Variants in UNC5B observed in about 807,000 individuals in gnomAD.
UNC5B encodes the protein unc-5 netrin receptor B, also known as netrin receptor UNC5B.
Under a neutral mutation model 103.7 loss-of-function variants are expected in UNC5B, and 56 were observed. That is an observed-to-expected ratio of 0.54 (90% CI 0.44 to 0.67). The LOEUF is 0.67. UNC5B is among the 30% of genes least tolerant of loss of function. UNC5B has a pLI of 0.00. For missense variants in UNC5B, 1,194 were observed against 1,284.5 expected (o/e 0.93, Z 1.08); for synonymous variants, 577 against 542.0 (o/e 1.06, Z -0.90).
At position 71,285,310 on chromosome 10, in the gene UNC5B, C is replaced by T; in HGVS notation, c.449-16C>T. ...GCCCGCACCTGACTGCCTTGGGACC[C>T]TCTCGCTTCTCCCAGACCTGCGCAA... is the stretch of plus-strand genomic sequence containing the variant. On this transcript the variant is annotated splice_polypyrimidine_tract_variant and intron_variant, in intron 3 of 16. Coordinates refer to ENST00000335350, the MANE Select transcript of UNC5B (RefSeq NM_170744.5). The T allele has an allele frequency of 6.3e-7, 1 of 1,599,846 alleles. No individual in the cohort carries two copies. The highest frequency in any genetic ancestry group is 8.5e-7 in the Non-Finnish European group (1 of 1,173,668).
At position 71,302,501 on chromosome 10, in the gene UNC5B, C is replaced by T. The variant is rs1845603692; in HGVS notation, c.*3224C>T. On this transcript the variant is annotated 3_prime_UTR_variant, in exon 17 of 17. Transcript: ENST00000335350. ...CTCCCTCTGCCTTCTCTCACAGTGC[C>T]CCCGGCTCCAGAGCTCAGGGGTAGG... The T allele has an allele frequency of 6.6e-6, 1 of 152,414 alleles. No homozygotes were observed. The allele number at this position is 152,414 out of a possible 1,614,324, so 9.4% of individuals were successfully genotyped here. A position where few individuals can be genotyped will look rare whatever the true frequency, so the allele number is the denominator to read the frequency against.
At position 71,302,810 on chromosome 10, in the gene UNC5B, T is replaced by C. The variant is rs1227577045; in HGVS notation, c.*3533T>C. On this transcript the variant is annotated 3_prime_UTR_variant, in exon 17 of 17. Coordinates refer to ENST00000335350, the MANE Select transcript of UNC5B (RefSeq NM_170744.5). ...ACCTATAAATAACCTTTAGCATTCC[T>C]ATTGTAACAAAATTAATTTTTATGA... The C allele has an allele frequency of 6.6e-6, 1 of 152,222 alleles. No homozygotes were observed. Among genetic ancestry groups the C allele is most frequent in the African/African-American group, 2.4e-5 (1 of 41,460 alleles). The allele number at this position is 152,222 out of a possible 1,614,324, so 9.4% of individuals were successfully genotyped here. A position where few individuals can be genotyped will look rare whatever the true frequency, so the allele number is the denominator to read the frequency against.
chr10:71,213,157 C>A lies in UNC5B; in HGVS notation c.79+93C>A. On this transcript the variant is annotated intron_variant, in intron 1 of 16. Coordinates refer to ENST00000335350, the MANE Select transcript of UNC5B (RefSeq NM_170744.5). The surrounding 1 kb of genome is among the most constrained non-coding windows in gnomAD (Gnocchi z 4.1). ...GAGGTGGTCTTTCGTCGCATCGATG[C>A]GCGCAGGAAAAGCGGCAAGGGCGCC... The A allele has an allele frequency of 9.3e-7, 1 of 1,074,908 alleles. No individual in the cohort carries two copies. The allele number at this position is 1,074,908 out of a possible 1,614,324, so 66.6% of individuals were successfully genotyped here. A position where few individuals can be genotyped will look rare whatever the true frequency, so the allele number is the denominator to read the frequency against.
chr10:71,218,078 G>T (rs958904599), intron 1 of UNC5B: 2 of 152,218 alleles, frequency 1.3e-5, no homozygotes, highest in Non-Finnish European at 2.9e-5. Context: ...GAGTGTGTGG[G>T]GGGTGAGAAT....
chr10:71,282,348 G>T (rs1844951932), intron 2 of UNC5B, among the ~76,000 whole-genome samples: 1 of 152,220 alleles, frequency 6.6e-6, no homozygotes, highest in South Asian at 2.1e-4. Context: ...GCATTGCCAT[G>T]CTTGGGAGGG....
At position 71,297,079 on chromosome 10, in the gene UNC5B, C is replaced by T. The variant is rs572338485; in HGVS notation, c.2490+337C>T. Among the ~76,000 whole-genome samples the T allele has an allele frequency of 1.7e-4, 26 of 152,324 alleles. No individual in the cohort carries two copies. The East Asian group carries it at 4.6e-3, about 27-fold the overall frequency. The stretch of plus-strand genomic sequence containing the variant: ...CGCCAGATATTCCAGCTGCACACCA[C>T]GCTGGTGGAGGTGAGGGCCAGAGGA... On this transcript the variant is annotated intron_variant, in intron 15 of 16. Transcript: ENST00000335350.
intron 8 of UNC5B, 84 bp from the exon 9 acceptor site, chr10:71,290,831 G>T: frequency 6.7e-7 from 1 of 1,482,522 alleles, no homozygotes; most frequent in Non-Finnish European, 9.0e-7. Flanking sequence ...CCTGGGCCCT[G>T]CCCTTTCCAG....
chr10:71,253,376 C>T (rs1844220452), intron 1 of UNC5B, among the ~76,000 whole-genome samples: 1 of 152,258 alleles, frequency 6.6e-6, no homozygotes. Flanking sequence ...TCCCCCGACA[C>T]CATGCCCAAG....
chr10:71,296,703 G>C lies in UNC5B; in HGVS notation c.2451G>C (p.Gly817=). Residue 817 remains glycine, a synonymous_variant, in exon 15 of 17, where the codon GGG becomes GGC. Transcript: ENST00000335350. ...TCKICVRQVE[G]EGQIFQLHTT... is the part of the protein sequence containing the mutation. ...AGATCTGCGTGCGGCAAGTGGAAGG[G>C]GAGGGCCAGATATTCCAGCTGCATA... 6.2e-7 allele frequency: 1 copy of C among 1,606,994 alleles called. No homozygotes were observed. Among genetic ancestry groups the C allele is most frequent in the Non-Finnish European group, 8.5e-7 (1 of 1,174,530 alleles).
chr10:71,226,047 T>A (rs1057164238), intron 1 of UNC5B, among the ~76,000 whole-genome samples: 1 of 152,204 alleles, frequency 6.6e-6, no homozygotes, highest in Non-Finnish European at 1.5e-5. Context: ...TCTTATCAGA[T>A]CATAAGCGTT....
rs1845603532 is a variant in UNC5B, at chr10:71,302,497, G to C, written c.*3220G>C. 6.6e-6 allele frequency: 1 copy of C among 151,708 alleles called. No individual in the cohort carries two copies. Among genetic ancestry groups the C allele is most frequent in the South Asian group, 2.1e-4 (1 of 4,814 alleles). 9.4% of individuals were successfully genotyped at this position (151,708 alleles called of 1,614,324 possible). A position where few individuals can be genotyped will look rare whatever the true frequency, so the allele number is the denominator to read the frequency against. On this transcript the variant is annotated 3_prime_UTR_variant, in exon 17 of 17. Coordinates refer to ENST00000335350, the MANE Select transcript of UNC5B (RefSeq NM_170744.5). ...GCCTCTCCCTCTGCCTTCTCTCACA[G>C]TGCCCCCGGCTCCAGAGCTCAGGGG...
chr10:71,287,070 A>G (rs1221138691), intron 5 of UNC5B, among the ~76,000 whole-genome samples: 2 of 152,226 alleles, frequency 1.3e-5, no homozygotes, highest in Admixed American at 1.3e-4. Flanking sequence ...CCAGTTCTCA[A>G]GATGCCTTGC....
At chr10:71,255,957 G>A (rs1393104031) in intron 1 of UNC5B, among the ~76,000 whole-genome samples, 1 of 152,240 alleles carries the variant, frequency 6.6e-6, no homozygotes, top group Non-Finnish European at 1.5e-5. Context: ...AATCGACTAT[G>A]TATTGAGTCA....
rs1197133294 is a variant in UNC5B, at chr10:71,300,002, C to T, written c.*725C>T. ...GAGTGTGGATGAGAATGGGCACGCT[C>T]ACACTTCTGGCCAGGAGTGAATGTG... On this transcript the variant is annotated 3_prime_UTR_variant, in exon 17 of 17. Coordinates refer to ENST00000335350, the MANE Select transcript of UNC5B (RefSeq NM_170744.5). 1 of 151,682 alleles carries T rather than the reference C, an allele frequency of 6.6e-6. No individual in the cohort carries two copies. The highest frequency in any genetic ancestry group is 1.5e-5 in the Non-Finnish European group (1 of 68,068). 9.4% of individuals were successfully genotyped at this position (151,682 alleles called of 1,614,324 possible).
intron 1 of UNC5B, among the ~76,000 whole-genome samples, chr10:71,246,209 G>A (rs1025834322): frequency 6.6e-6 from 1 of 152,196 alleles, no homozygotes; most frequent in African/African-American, 2.4e-5. Context: ...GAGTTCATTC[G>A]TCAACAAGAC....
intron 1 of UNC5B, among the ~76,000 whole-genome samples, chr10:71,229,611 C>T (rs77618593): frequency 0.016 from 2,404 of 152,270 alleles, 41 homozygotes; most frequent in Non-Finnish European, 0.026. Context: ...GCCCGAGCTC[C>T]CGGAGGCCCT....
chr10:71,259,527 CA>C (rs2132279704), intron 1 of UNC5B, among the ~76,000 whole-genome samples: 1 of 152,298 alleles, frequency 6.6e-6, no homozygotes, highest in African/African-American at 2.4e-5. Context: ...AACCGAGGCT[CA>C]GAGAGGCAAA....
chr10:71,273,952 G>A (rs901786428), intron 1 of UNC5B, among the ~76,000 whole-genome samples: 3 of 152,358 alleles, frequency 2.0e-5, no homozygotes, highest in South Asian at 2.1e-4. Context: ...GGTGAGAGGT[G>A]CAAAACTGTG....
At chr10:71,272,877 C>T (rs202111691) in intron 1 of UNC5B, among the ~76,000 whole-genome samples, 1 of 150,452 alleles carries the variant, frequency 6.6e-6, no homozygotes. Flanking sequence ...CATGCACTGC[C>T]TGTTTGTTTG....
Sources: gnomAD v4.1 joint callset for allele counts (sites outside exome capture counted in the v4.1 genomes callset) on GRCh38, gnomAD v4.1.1 for gene constraint, Gnocchi (gnomAD v3.1) non-coding constraint, MANE v1.5 for transcripts, NCBI Gene and HGNC (gene_info 2026-07-23, HGNC 2026-07-21) for gene names.